Variants in TLN1 observed in about 807,000 individuals in gnomAD.
TLN1 encodes talin-1.
In TLN1, 56 loss-of-function variants were observed where a neutral mutation model predicts 292.3. That is an observed-to-expected ratio of 0.19 (90% CI 0.15 to 0.24). The LOEUF is 0.24. Ranked by LOEUF, TLN1 falls within the 10% of genes least tolerant of loss-of-function variation. TLN1 has a pLI of 1.00. For synonymous variants in TLN1, 1,119 were observed against 1,253.7 expected, an observed-to-expected ratio of 0.89 and a Z score of 2.27; for missense variants, 2,433 against 3,248.2, an observed-to-expected ratio of 0.75 and a Z score of 6.10.
intron 26 of TLN1, 55 bp from the exon 27 acceptor site, chr9:35,713,098 A>C: frequency 1.3e-6 from 2 of 1,573,266 alleles, no homozygotes; most frequent in Middle Eastern, 2.1e-4. Flanking sequence ...CCAGGCCCTG[A>C]TTCCAGTGGT....
In TLN1 at chr9:35,721,723, C is replaced by A. The variant is rs1325630521; in HGVS notation, c.1029G>T (p.Lys343Asn). The A allele has an allele frequency of 6.2e-7, 1 of 1,614,172 alleles. No individual in the cohort carries two copies. Among genetic ancestry groups the A allele is most frequent in the Non-Finnish European group, 8.5e-7 (1 of 1,180,000 alleles). ...TKECVMRVDE[K>N]TKEVIQEWNL... ...TCCACTCCTGGATCACTTCCTTGGTCTTCTCATCCACTCGCATCACACACT... is the reference window on the plus strand; with the variant it reads ...TCCACTCCTGGATCACTTCCTTGGTATTCTCATCCACTCGCATCACACACT... The change falls in exon 10 of 57, where the codon AAG becomes AAT. Residue 343 changes from lysine (K) to asparagine (N), a missense_variant. Lys to Asn is a moderately conservative substitution (Grantham distance 94). Transcript: ENST00000314888.
Position 35,719,038 on chromosome 9 carries a change from C to T in TLN1, c.1896+36G>A, listed in dbSNP as rs1343052874. The T allele has an allele frequency of 6.2e-7, 1 of 1,601,318 alleles. No homozygotes were observed. The highest frequency in any genetic ancestry group is 8.5e-7 in the Non-Finnish European group (1 of 1,172,020). The stretch of plus-strand genomic sequence containing the variant: ...TGCCCCTTCTCCTTGGGCTTGAACC[C>T]TGTCTCCACCCTAACCCAAACCTGT... On this transcript the variant is annotated intron_variant, in intron 16 of 56. Transcript: ENST00000314888. This position sits in a 1 kb window ranked among gnomAD's most constrained non-coding sequence, Gnocchi z 4.6.
chr9:35,723,684 G>A, intron 7 of TLN1: 1 of 421,930 alleles, frequency 2.4e-6, no homozygotes, highest in Non-Finnish European at 4.2e-6. Flanking sequence ...GGCTACTGCA[G>A]CAAAATTCTT....
Position 35,713,023 on chromosome 9 carries a change from C to A in TLN1, c.3373G>T (p.Ala1125Ser). The change falls in exon 27 of 57, where the codon GCA becomes TCA. Residue 1125 changes from alanine (A) to serine (S), a missense_variant. Ala to Ser is a moderately conservative substitution (Grantham distance 99). Coordinates refer to ENST00000314888, the MANE Select transcript of TLN1 (RefSeq NM_006289.4). The part of the protein sequence containing the change: ...NYAGIAARDV[A>S]GGLRSLAQAA... The stretch of plus-strand genomic sequence containing the variant: ...TGGGCCAGTGACCGCAGCCCACCTG[C>A]CACATCCCGAGCTGCAATACCTTGG... 1 of 1,609,088 alleles carries A rather than the reference C, an allele frequency of 6.2e-7. No individual in the cohort carries two copies. The highest frequency in any genetic ancestry group is 2.2e-5 in the East Asian group (1 of 44,758).
Position 35,717,821 on chromosome 9 carries a change from T to C in TLN1, c.1996-35A>G. The C allele has an allele frequency of 6.3e-7, 1 of 1,579,284 alleles. No homozygotes were observed. Among genetic ancestry groups the C allele is most frequent in the Non-Finnish European group, 8.6e-7 (1 of 1,156,138 alleles). On this transcript the variant is annotated intron_variant, in intron 17 of 56. Transcript: ENST00000314888. This position sits in a 1 kb window ranked among gnomAD's most constrained non-coding sequence, Gnocchi z 4.7. ...AACAGCAGTTAGCATGACCTGAGAT[T>C]GGGCTTGGGATTCACAGACACTTCT...
Position 35,720,713 on chromosome 9 carries a change from C to T in TLN1, c.1206+99G>A, listed in dbSNP as rs1464440386. 28 of 1,232,492 alleles carry T rather than the reference C, an allele frequency of 2.3e-5. No individual in the cohort carries two copies. In the Admixed American group the frequency reaches 4.8e-4, roughly 21 times the overall value. The allele number at this position is 1,232,492 out of a possible 1,614,324, so 76.3% of individuals were successfully genotyped here. On this transcript the variant is annotated intron_variant, in intron 11 of 56. Coordinates refer to ENST00000314888, the MANE Select transcript of TLN1 (RefSeq NM_006289.4). The stretch of plus-strand genomic sequence containing the variant: ...AGATCTCGGCTCATTGCAACCTCCG[C>T]CTCCCAGGTTCAAGCAATCTGAGTG...
intron 1 of TLN1, 131 bp from the exon 2 acceptor site, chr9:35,725,858 A>G (rs958238301): frequency 1.1e-5 from 8 of 706,292 alleles, no homozygotes; most frequent in Non-Finnish European, 1.8e-5. Context: ...GGTTGTTTTC[A>G]TTGTATTTAA....
chr9:35,703,388 C>G (rs1016622901), intron 48 of TLN1, among the ~76,000 whole-genome samples, 172 bp downstream of exon 48: 14 of 152,186 alleles, frequency 9.2e-5, no homozygotes, highest in African/African-American at 3.4e-4. Flanking sequence ...GCTGAGAAGG[C>G]TGGAGGAGGA....
Position 35,699,777 on chromosome 9 carries a change from G to A in TLN1, c.6768+197C>T. 2.5e-6 allele frequency: 2 copies of A among 814,162 alleles called. No individual in the cohort carries two copies. Among genetic ancestry groups the A allele is most frequent in the Non-Finnish European group, 3.0e-6 (2 of 674,048 alleles). The allele number at this position is 814,162 out of a possible 1,614,324, so 50.4% of individuals were successfully genotyped here. On this transcript the variant is annotated intron_variant, in intron 50 of 56. Transcript: ENST00000314888. This position sits in a 1 kb window ranked among gnomAD's most constrained non-coding sequence, Gnocchi z 4.0. ...AAGAAAAAGAGGAAGAGGAAGAGGT[G>A]ACTGGGAGAACCAAAGATGATAAGA...
rs772238127 is a variant in TLN1 at position 35,704,165 on chromosome 9, G to A, written c.6057C>T (p.Ile2019=). 10 of 1,595,156 alleles carry A rather than the reference G, an allele frequency of 6.3e-6. No homozygotes were observed. In the Admixed American group the frequency reaches 1.7e-4, roughly 27 times the overall value. ...TETFADHREG[I]LKTAKVLVED... is the part of the protein sequence containing the mutation. ...CCACCAGCACCTTCGCAGTCTTCAG[G>A]ATGCCCTCCCTGAGGGAGGGCCCAG... Residue 2019 remains isoleucine (I), a synonymous_variant, in exon 46 of 57, where the codon ATC becomes ATT. Transcript: ENST00000314888. This position sits in a 1 kb window ranked among gnomAD's most constrained non-coding sequence, Gnocchi z 6.9.
rs2131886383 is a variant in TLN1 at position 35,706,290 on chromosome 9, G to A, written c.5267C>T (p.Pro1756Leu). Residue 1756 changes from proline (P) to leucine (L), a missense_variant, in exon 40 of 57, where the codon CCG (proline) becomes CTG (leucine). Pro to Leu is a moderately conservative substitution (Grantham distance 98). Transcript: ENST00000314888. The surrounding 1 kb of genome is among the most constrained non-coding windows in gnomAD (Gnocchi z 4.2). ...VGAASKTLSH[P>L]QQMALLDQTK... is the part of the protein sequence containing the mutation. ...CTGGTCCAGGAGTGCCATCTGCTGC[G>A]GGTGGCTCAGGGTCTTGGAGGCAGC... 1.9e-6 allele frequency: 3 copies of A among 1,613,878 alleles called. No individual in the cohort carries two copies. Among genetic ancestry groups the A allele is most frequent in the African/African-American group, 1.3e-5 (1 of 75,058 alleles).
At chr9:35,718,196 A>ACC (rs1825818529) in intron 17 of TLN1, among the ~76,000 whole-genome samples, 1 of 152,190 alleles carries the variant, frequency 6.6e-6, no homozygotes, top group South Asian at 2.1e-4. Context: ...AAGTCCCTGT[A>ACC]CTACCCTACC....
intron 1 of TLN1, among the ~76,000 whole-genome samples, chr9:35,726,062 G>A (rs1330793314): frequency 1.3e-5 from 2 of 152,036 alleles, no homozygotes; most frequent in African/African-American, 2.4e-5. Context: ...ACAGGCGCCC[G>A]CTGCCATGCC....
intron 10 of TLN1, among the ~76,000 whole-genome samples, chr9:35,721,306 T>C (rs1458608842): frequency 6.6e-6 from 1 of 152,204 alleles, no homozygotes; most frequent in Non-Finnish European, 1.5e-5. Flanking sequence ...TGATATCAGT[T>C]TTCAATTCAT....
chr9:35,711,100 T>C lies in TLN1; in HGVS notation c.4020-18A>G, dbSNP rs1051597337. On this transcript the variant is annotated intron_variant, in intron 30 of 56. Transcript: ENST00000314888. ...TTACTGCCCTGGGAGTGACAGAAAG[T>C]TGAGTGAAAAGGTGAATAGGTCATC... 3 of 1,613,900 alleles carry C rather than the reference T, an allele frequency of 1.9e-6. 1 individual carries two copies. In the South Asian group the frequency reaches 3.3e-5, roughly 18 times the overall value.
At chr9:35,709,604 A>G (rs1263908548) in intron 33 of TLN1, among the ~76,000 whole-genome samples, 1 of 152,200 alleles carries the variant, frequency 6.6e-6, no homozygotes, top group Non-Finnish European at 1.5e-5. Context: ...GAAAGTAGTG[A>G]TTGGCCGGGC....
Position 35,700,210 on chromosome 9 carries a change from T to G in TLN1, c.6641A>C (p.Asp2214Ala). The G allele has an allele frequency of 6.2e-7, 1 of 1,604,438 alleles. No homozygotes were observed. The highest frequency in any genetic ancestry group is 8.5e-7 in the Non-Finnish European group (1 of 1,171,812). ...TANLSRRAIADMLRACKEAAY... is the reference protein window; with the variant it reads ...TANLSRRAIAAMLRACKEAAY... ...TTCTACCTTGCAAGCCCGAAGCATATCTGCAATAGCACGGCGGCTCAGATT... is the reference window on the plus strand; with the variant it reads ...TTCTACCTTGCAAGCCCGAAGCATAGCTGCAATAGCACGGCGGCTCAGATT... Residue 2214 changes from aspartate (D) to alanine (A), a missense_variant, in exon 49 of 57, where the codon GAT becomes GCT. Physicochemically the swap from Asp to Ala is moderately radical, Grantham distance 126. Coordinates refer to ENST00000314888, the MANE Select transcript of TLN1 (RefSeq NM_006289.4).
rs781565789 is a variant in TLN1, at chr9:35,707,459, G to A, written c.4662C>T (p.Asn1554=). The A allele has an allele frequency of 7.3e-5, 118 of 1,614,026 alleles. No individual in the cohort carries two copies. The highest frequency in any genetic ancestry group is 9.6e-5 in the Non-Finnish European group (113 of 1,180,050). The change falls in exon 36 of 57, where the codon AAC becomes AAT. Residue 1554 remains asparagine (N), a synonymous_variant. Transcript: ENST00000314888. The surrounding 1 kb of genome is among the most constrained non-coding windows in gnomAD (Gnocchi z 5.6). ...KALDGAFTEE[N]RAQCRAATAP... ...CTGTTGCTGCTCGGCACTGGGCACG[G>A]TTCTCCTCTGTGAAGGCCCCATCTA...
intron 10 of TLN1, among the ~76,000 whole-genome samples, chr9:35,721,258 A>G (rs1414555392): frequency 6.6e-6 from 1 of 152,252 alleles, no homozygotes; most frequent in African/African-American, 2.4e-5. Flanking sequence ...AGCATTTCCT[A>G]TAATTTGTAT....
Sources: allele counts gnomAD v4.1 joint callset (sites outside exome capture counted in the v4.1 genomes callset), GRCh38; gene constraint gnomAD v4.1.1; non-coding constraint Gnocchi (gnomAD v3.1); transcripts MANE v1.5; gene names NCBI Gene and HGNC (gene_info 2026-07-23, HGNC 2026-07-21).